Variants in IQGAP3 observed in about 807,000 individuals in gnomAD.
IQGAP3 encodes ras GTPase-activating-like protein IQGAP3.
Under a neutral mutation model 208.2 loss-of-function variants are expected in IQGAP3, and 165 were observed. The observed-to-expected ratio is 0.79, with a 90% CI of 0.70 to 0.90. The LOEUF is 0.90. Among genes scored for constraint, IQGAP3 ranks in the 40% least tolerant of loss-of-function variants. The pLI is 0.00. For missense variants in IQGAP3, 1,811 were observed against 2,043.1 expected, an observed-to-expected ratio of 0.89 and a Z score of 2.19; for synonymous variants, 703 against 803.6, an observed-to-expected ratio of 0.87 and a Z score of 2.12.
At chr1:156,556,460 G>T in intron 12 of IQGAP3, 73 bp downstream of exon 12, 1 of 1,485,892 alleles carries the variant, frequency 6.7e-7, no homozygotes, top group Non-Finnish European at 9.3e-7. Flanking sequence ...CAAGAGGGTG[G>T]CCTGGGCTGC....
chr1:156,572,493 A>G lies in IQGAP3; in HGVS notation c.37T>C (p.Tyr13His). Residue 13 changes from tyrosine to histidine, a missense_variant and splice_region_variant, in exon 1 of 38, where the codon TAT becomes CAT. Coordinates refer to ENST00000361170, the MANE Select transcript of IQGAP3 (RefSeq NM_178229.5). Reference protein sequence around the residue: ...RRAAGPGWAAYERLTAEEMDE... With the variant: ...RRAAGPGWAAHERLTAEEMDE... ...CTTCTCTGACCCTCTCCGCACTCAC[A>G]GGCTGCCCAGCCTGGGCCCGCTGCT... 1 of 1,610,624 alleles carries G rather than the reference A, an allele frequency of 6.2e-7. No homozygotes were observed. The highest frequency in any genetic ancestry group is 8.5e-7 in the Non-Finnish European group (1 of 1,179,782).
At chr1:156,553,040 C>G (rs1032105915) in intron 13 of IQGAP3, among the ~76,000 whole-genome samples, 3 of 152,210 alleles carry the variant, frequency 2.0e-5, no homozygotes, top group Non-Finnish European at 4.4e-5. Flanking sequence ...CACCACTGCA[C>G]TCCAGCCTGG....
Position 156,565,968 on chromosome 1 carries a change from T to C in IQGAP3, c.360+59A>G. 3 of 1,254,362 alleles carry C rather than the reference T, an allele frequency of 2.4e-6. No individual in the cohort carries two copies. In the South Asian group the frequency reaches 3.6e-5, roughly 15 times the overall value. The allele number at this position is 1,254,362 out of a possible 1,614,324, so 77.7% of individuals were successfully genotyped here. A position where few individuals can be genotyped will look rare whatever the true frequency, so the allele number is the denominator to read the frequency against. The stretch of plus-strand genomic sequence containing the variant: ...GGGTCCAGGGAGATAAAGCATGGGA[T>C]TGTGGGAGGTGGCTGGTAAGGAGTA... On this transcript the variant is annotated intron_variant, in intron 4 of 37. Transcript: ENST00000361170.
Position 156,533,029 on chromosome 1 carries a change from C to T in IQGAP3, c.4054G>A (p.Gly1352Arg), listed in dbSNP as rs559588528. The change falls in exon 32 of 38, where the codon GGA (glycine) becomes AGA (arginine). Residue 1352 changes from glycine to arginine, a missense_variant. Physicochemically the swap from Gly to Arg is moderately radical, Grantham distance 125. Coordinates refer to ENST00000361170, the MANE Select transcript of IQGAP3 (RefSeq NM_178229.5). ...VSLTLTNKFEGLEADADDSNT... is the reference protein window; with the variant it reads ...VSLTLTNKFERLEADADDSNT... ...GAGTCATCAGCATCTGCCTCTAGTC[C>T]TTCAAACTTGTTGGTCAGCGTCAGG... 6.6e-5 allele frequency: 107 copies of T among 1,614,148 alleles called. 2 individuals carry two copies. In the South Asian group the frequency reaches 9.2e-4, roughly 14 times the overall value.
chr1:156,572,028 A>G (rs1249557325), intron 1 of IQGAP3, among the ~76,000 whole-genome samples: 1 of 152,232 alleles, frequency 6.6e-6, no homozygotes, highest in East Asian at 1.9e-4. Flanking sequence ...GACAGGTCCC[A>G]GGAATCTGCA....
intron 31 of IQGAP3, 34 bp downstream of exon 31, chr1:156,533,739 C>T (rs770901533): frequency 2.6e-6 from 4 of 1,564,032 alleles, no homozygotes; most frequent in African/African-American, 2.7e-5. Flanking sequence ...TGCAGGTCCC[C>T]TAGCTGGCCT....
At chr1:156,553,871 G>A (rs1371368145) in intron 13 of IQGAP3, among the ~76,000 whole-genome samples, 1 of 152,210 alleles carries the variant, frequency 6.6e-6, no homozygotes, top group African/African-American at 2.4e-5. Context: ...GTGAGCCACT[G>A]CACCCAGCCA....
intron 22 of IQGAP3, among the ~76,000 whole-genome samples, chr1:156,541,117 T>C (rs557284641): frequency 3.5e-4 from 53 of 152,060 alleles, no homozygotes; most frequent in Non-Finnish European, 6.3e-4. Flanking sequence ...CTGAGCTTCC[T>C]GTCTTATAAC....
intron 12 of IQGAP3, among the ~76,000 whole-genome samples, chr1:156,555,183 C>T (rs1348350841): frequency 6.6e-6 from 1 of 152,216 alleles, no homozygotes; most frequent in African/African-American, 2.4e-5. Flanking sequence ...TGTCCTTCTT[C>T]TGCTTTTCAA....
chr1:156,543,973 C>T lies in IQGAP3; in HGVS notation c.2530+8G>A. The T allele has an allele frequency of 6.2e-7, 1 of 1,613,288 alleles. No individual in the cohort carries two copies. On this transcript the variant is annotated splice_region_variant and intron_variant, in intron 22 of 37. Coordinates refer to ENST00000361170, the MANE Select transcript of IQGAP3 (RefSeq NM_178229.5). ...CAACAGCTGGGGAGGGTGGATCAGG[C>T]AGCTCACCTAATATCCTGTAGTCAT... is the stretch of plus-strand genomic sequence containing the variant.
In IQGAP3 at chr1:156,567,845, A is replaced by T. The variant is rs189345544; in HGVS notation, c.126-1299T>A. Among the ~76,000 whole-genome samples the T allele has an allele frequency of 1.8e-3, 270 of 152,368 alleles. 1 individual carries two copies. Among genetic ancestry groups the T allele is most frequent in the African/African-American group, 6.1e-3 (254 of 41,592 alleles). On this transcript the variant is annotated intron_variant, in intron 2 of 37. Coordinates refer to ENST00000361170, the MANE Select transcript of IQGAP3 (RefSeq NM_178229.5). ...AGATGATGAGGGAATGTTCTTTAGG[A>T]TTTCAGCTAGTAAATATGGAAGAAA...
In IQGAP3 at chr1:156,556,713, C is replaced by T. The variant is rs1171650067; in HGVS notation, c.1130-20G>A. 2 of 1,509,698 alleles carry T rather than the reference C, an allele frequency of 1.3e-6. No individual in the cohort carries two copies. The highest frequency in any genetic ancestry group is 2.1e-5 in the Admixed American group (1 of 48,588). 93.5% of individuals were successfully genotyped at this position (1,509,698 alleles called of 1,614,324 possible). On this transcript the variant is annotated intron_variant, in intron 11 of 37. Transcript: ENST00000361170. ...GGAGCACTGCAAGGCAGGAGAGCAA[C>T]AGGTTGTACTGGCCGGGCATTCAGT... is the stretch of plus-strand genomic sequence containing the variant.
At chr1:156,564,835 C>T (rs1676329779) in intron 4 of IQGAP3, 144 bp from the exon 5 acceptor site, 2 of 654,954 alleles carry the variant, frequency 3.1e-6, no homozygotes, top group African/African-American at 3.6e-5. Context: ...TCAGTCTCCC[C>T]CAACCATTTC....
chr1:156,567,767 C>T (rs1271078767), intron 2 of IQGAP3, among the ~76,000 whole-genome samples: 3 of 152,166 alleles, frequency 2.0e-5, no homozygotes, highest in African/African-American at 7.2e-5. Flanking sequence ...GAATTAAGTA[C>T]GTATCCTGCT....
At position 156,563,108 on chromosome 1, in the gene IQGAP3, C is replaced by T. The variant is rs554009567; in HGVS notation, c.798+26G>A. The T allele has an allele frequency of 1.8e-5, 28 of 1,536,766 alleles. No homozygotes were observed. The South Asian group carries it at 2.7e-4, about 15-fold the overall frequency. On this transcript the variant is annotated intron_variant, in intron 8 of 37. Coordinates refer to ENST00000361170, the MANE Select transcript of IQGAP3 (RefSeq NM_178229.5). Reference sequence around the variant, plus strand: ...CTTTCCAGCCACTCAACTTTTCGGTCCCTGCAACCCAAGACTACTCCTTAC... The same window carrying T: ...CTTTCCAGCCACTCAACTTTTCGGTTCCTGCAACCCAAGACTACTCCTTAC...
chr1:156,563,188 G>T lies in IQGAP3; in HGVS notation c.744C>A (p.Tyr248Ter). The change falls in exon 8 of 38, where the codon TAC (tyrosine) becomes TAA (stop). Residue 248 changes from tyrosine (Y) to a stop codon, truncating the protein, a stop_gained. Coordinates refer to ENST00000361170, the MANE Select transcript of IQGAP3 (RefSeq NM_178229.5). LOFTEE classifies it high-confidence loss of function. ...TCTTGGCCTGGGCCAGCATCTCTTG[G>T]TAGACGGCTGCCAGAGGCTCTCGGA... ...ENLREPLAAV[Y>*]QEMLAQAKME... The T allele has an allele frequency of 6.2e-7, 1 of 1,612,816 alleles. No homozygotes were observed. Among genetic ancestry groups the T allele is most frequent in the Non-Finnish European group, 8.5e-7 (1 of 1,178,992 alleles).
At chr1:156,539,193 C>A in intron 25 of IQGAP3, 160 bp from the exon 26 acceptor site, 1 of 809,062 alleles carries the variant, frequency 1.2e-6, no homozygotes. Context: ...GCATGTCAGC[C>A]CATATCCTCC....
chr1:156,543,113 G>A (rs760690673), intron 22 of IQGAP3, among the ~76,000 whole-genome samples: 4 of 152,132 alleles, frequency 2.6e-5, no homozygotes, highest in Non-Finnish European at 5.9e-5. Flanking sequence ...AAACTGAAGA[G>A]AAGAAAAAGA....
In IQGAP3 at chr1:156,569,437, C is replaced by A. The variant is rs1458059887; in HGVS notation, c.64G>T (p.Asp22Tyr). Residue 22 changes from aspartate to tyrosine, a missense_variant, in exon 2 of 38, where the codon GAT (aspartate) becomes TAT (tyrosine). Transcript: ENST00000361170. Reference sequence around the variant, plus strand: ...GCAACATTCTGCCGCCTCTGCTCATCCATCTCCTCAGCTGTGAGGCGTTCA... The same window carrying A: ...GCAACATTCTGCCGCCTCTGCTCATACATCTCCTCAGCTGTGAGGCGTTCA... ...AYERLTAEEMDEQRRQNVAYQ... is the reference protein window; with the variant it reads ...AYERLTAEEMYEQRRQNVAYQ... The A allele has an allele frequency of 6.2e-7, 1 of 1,612,644 alleles. No individual in the cohort carries two copies.
Sources: allele counts gnomAD v4.1 joint callset (sites outside exome capture counted in the v4.1 genomes callset), GRCh38; gene constraint gnomAD v4.1.1; transcripts MANE v1.5; gene names NCBI Gene and HGNC (gene_info 2026-07-23, HGNC 2026-07-21).